Variants in RAB3B observed in about 807,000 individuals in gnomAD.
The protein encoded by RAB3B is RAB3B, member RAS oncogene family, also known as ras-related protein Rab-3B.
In RAB3B, 11 loss-of-function variants were observed where a neutral mutation model predicts 20.5. The observed-to-expected ratio is 0.54, with a 90% CI of 0.34 to 0.89. The LOEUF (loss-of-function observed/expected upper bound fraction) is 0.89, where lower values mean the gene tolerates loss of function less well. Among genes scored for constraint, RAB3B ranks in the 40% least tolerant of loss-of-function variants. RAB3B has a pLI of 0.02. For missense variants in RAB3B, 225 were observed against 280.9 expected (o/e 0.80, Z 1.42); for synonymous variants, 99 against 106.3 (o/e 0.93, Z 0.42).
chr1:51,985,078 G>C (rs915535787), intron 1 of RAB3B, among the ~76,000 whole-genome samples: 1 of 152,168 alleles, frequency 6.6e-6, no homozygotes, highest in Non-Finnish European at 1.5e-5. Context: ...CCTTAAAATA[G>C]AGAAAATACC....
rs999656188 is a variant in RAB3B, at chr1:51,912,416, T to C, written c.*7511A>G. 2 of 150,164 alleles carry C rather than the reference T, an allele frequency of 1.3e-5. No homozygotes were observed. Among genetic ancestry groups the C allele is most frequent in the African/African-American group, 4.9e-5 (2 of 40,810 alleles). The allele number at this position is 150,164 out of a possible 1,614,324, so 9.3% of individuals were successfully genotyped here. A position where few individuals can be genotyped will look rare whatever the true frequency, so the allele number is the denominator to read the frequency against. On this transcript the variant is annotated 3_prime_UTR_variant, in exon 5 of 5. Transcript: ENST00000371655. The stretch of plus-strand genomic sequence containing the variant: ...TTCATTTATTTAGATTTTTAAGAGA[T>C]TGCCATTGAGGCTGGATGCGGTGGC...
intron 4 of RAB3B, among the ~76,000 whole-genome samples, chr1:51,920,528 C>T (rs745544675): frequency 7.9e-5 from 12 of 152,180 alleles, no homozygotes; most frequent in African/African-American, 2.7e-4. Flanking sequence ...AATGCATAAA[C>T]GTGTGTCCAC....
intron 2 of RAB3B, among the ~76,000 whole-genome samples, chr1:51,962,182 G>C (rs1393847486): frequency 2.0e-5 from 3 of 152,180 alleles, no homozygotes; most frequent in Non-Finnish European, 2.9e-5. Flanking sequence ...CTGTAAAATG[G>C]GGATAATAAC....
At chr1:51,935,389 G>T (rs1422494662) in intron 3 of RAB3B, among the ~76,000 whole-genome samples, 2 of 152,200 alleles carry the variant, frequency 1.3e-5, no homozygotes, top group African/African-American at 4.8e-5. Flanking sequence ...GCAGGTAGGG[G>T]TGAGACTGAG....
chr1:51,944,796 A>G (rs1405390709), intron 2 of RAB3B, among the ~76,000 whole-genome samples: 1 of 152,186 alleles, frequency 6.6e-6, no homozygotes, highest in African/African-American at 2.4e-5. Flanking sequence ...GATGGAGTCT[A>G]CTCTGGTGAA....
At chr1:51,942,328 A>G (rs957868606) in intron 2 of RAB3B, among the ~76,000 whole-genome samples, 20 of 152,224 alleles carry the variant, frequency 1.3e-4, no homozygotes, top group African/African-American at 4.6e-4. Flanking sequence ...TTGTCACCCA[A>G]CTGAATCCCA....
At chr1:51,972,925 T>G (rs1410135576) in intron 2 of RAB3B, among the ~76,000 whole-genome samples, 1 of 152,250 alleles carries the variant, frequency 6.6e-6, no homozygotes, top group African/African-American at 2.4e-5. Flanking sequence ...ACTACTATAT[T>G]TGTTTATTAA....
In RAB3B at chr1:51,908,151, CACATG is replaced by C. The variant is rs1221172596; in HGVS notation, c.*11771_*11775del. ...CCTTTATATTTATACAAACTCACAACACATGACATTTCATATTTCATATGCCACTG... is the reference window on the plus strand; with the variant it reads ...CCTTTATATTTATACAAACTCACAACACATTTCATATTTCATATGCCACTG... On this transcript the variant is annotated 3_prime_UTR_variant, in exon 5 of 5. Transcript: ENST00000371655. The C allele has an allele frequency of 6.6e-6, 1 of 152,098 alleles. No individual in the cohort carries two copies. The highest frequency in any genetic ancestry group is 3.2e-3 in the Middle Eastern group (1 of 316). 9.4% of individuals were successfully genotyped at this position (152,098 alleles called of 1,614,324 possible). A position where few individuals can be genotyped will look rare whatever the true frequency, so the allele number is the denominator to read the frequency against.
At chr1:51,948,628 T>C (rs1684594249) in intron 2 of RAB3B, among the ~76,000 whole-genome samples, 1 of 152,186 alleles carries the variant, frequency 6.6e-6, no homozygotes, top group Non-Finnish European at 1.5e-5. Flanking sequence ...CCAGAGAGCC[T>C]TCCTAGTGCC....
chr1:51,938,274 T>C (rs976918715), intron 2 of RAB3B, among the ~76,000 whole-genome samples: 2 of 152,120 alleles, frequency 1.3e-5, no homozygotes, highest in African/African-American at 4.8e-5. Context: ...GGGAATCAAT[T>C]TGGAAGTCTT....
At chr1:51,973,548 G>A (rs1395565063) in intron 2 of RAB3B, 1 of 152,136 alleles carries the variant, frequency 6.6e-6, no homozygotes, top group East Asian at 1.9e-4. Flanking sequence ...ACCTCGAAAC[G>A]TGGCTGACAA....
chr1:51,962,299 T>C (rs1337655943), intron 2 of RAB3B, among the ~76,000 whole-genome samples: 1 of 152,220 alleles, frequency 6.6e-6, no homozygotes, highest in East Asian at 1.9e-4. Context: ...ATCAGCTTTG[T>C]GGGAGATAGT....
intron 4 of RAB3B, among the ~76,000 whole-genome samples, chr1:51,929,749 A>C (rs1684297498): frequency 6.6e-6 from 1 of 152,140 alleles, no homozygotes; most frequent in African/African-American, 2.4e-5. Flanking sequence ...CATACAATTC[A>C]CCCATTTATT....
chr1:51,912,406 T>A lies in RAB3B; in HGVS notation c.*7521A>T, dbSNP rs1030063938. On this transcript the variant is annotated 3_prime_UTR_variant, in exon 5 of 5. Coordinates refer to ENST00000371655, the MANE Select transcript of RAB3B (RefSeq NM_002867.4). ...TACTGAGCCGTTCATTTATTTAGATTTTTAAGAGATTGCCATTGAGGCTGG... is the reference window on the plus strand; with the variant it reads ...TACTGAGCCGTTCATTTATTTAGATATTTAAGAGATTGCCATTGAGGCTGG... 1.7e-4 allele frequency: 25 copies of A among 150,606 alleles called. No individual in the cohort carries two copies. Among genetic ancestry groups the A allele is most frequent in the Non-Finnish European group, 3.0e-4 (20 of 67,736 alleles). The allele number at this position is 150,606 out of a possible 1,614,324, so 9.3% of individuals were successfully genotyped here.
Position 51,911,490 on chromosome 1 carries a change from T to C in RAB3B, c.*8437A>G, listed in dbSNP as rs1489421309. On this transcript the variant is annotated 3_prime_UTR_variant, in exon 5 of 5. Coordinates refer to ENST00000371655, the MANE Select transcript of RAB3B (RefSeq NM_002867.4). ...AACAAAAGAAGAGACAATATATTTT[T>C]GGTTGCAAGGGATAAGAACCTAACT... The C allele has an allele frequency of 6.6e-6, 1 of 152,188 alleles. No homozygotes were observed. Among genetic ancestry groups the C allele is most frequent in the East Asian group, 1.9e-4 (1 of 5,202 alleles). The allele number at this position is 152,188 out of a possible 1,614,324, so 9.4% of individuals were successfully genotyped here. A position where few individuals can be genotyped will look rare whatever the true frequency, so the allele number is the denominator to read the frequency against.
At chr1:51,947,588 G>T (rs1463634168) in intron 2 of RAB3B, among the ~76,000 whole-genome samples, 1 of 152,030 alleles carries the variant, frequency 6.6e-6, no homozygotes, top group Non-Finnish European at 1.5e-5. Context: ...CAGAGCATAA[G>T]ATTGGAAATC....
intron 3 of RAB3B, among the ~76,000 whole-genome samples, chr1:51,935,646 G>T (rs1684388569): frequency 6.6e-6 from 1 of 152,118 alleles, no homozygotes; most frequent in African/African-American, 2.4e-5. Flanking sequence ...AATGAACAGA[G>T]ACTGAGGGAG....
chr1:51,984,728 A>T (rs1685131407), intron 1 of RAB3B, among the ~76,000 whole-genome samples: 1 of 152,156 alleles, frequency 6.6e-6, no homozygotes, highest in Admixed American at 6.6e-5. Flanking sequence ...ACATTTTCCT[A>T]ATTACTTCCT....
Position 51,908,768 on chromosome 1 carries a change from AC to A in RAB3B, c.*11158del, listed in dbSNP as rs1683956817. 6.6e-6 allele frequency: 1 copy of A among 152,018 alleles called. No homozygotes were observed. Among genetic ancestry groups the A allele is most frequent in the Admixed American group, 6.6e-5 (1 of 15,230 alleles). 9.4% of individuals were successfully genotyped at this position (152,018 alleles called of 1,614,324 possible). ...CAGACCCTCCCCTGTTCTGAGACTAACCCTGCCATTTACTGCCTTCTCTATG... is the reference window on the plus strand; with the variant it reads ...CAGACCCTCCCCTGTTCTGAGACTAACCTGCCATTTACTGCCTTCTCTATG... On this transcript the variant is annotated 3_prime_UTR_variant, in exon 5 of 5. Transcript: ENST00000371655.
Sources: allele counts gnomAD v4.1 joint callset (sites outside exome capture counted in the v4.1 genomes callset), GRCh38; gene constraint gnomAD v4.1.1; transcripts MANE v1.5; gene names NCBI Gene and HGNC (gene_info 2026-07-23, HGNC 2026-07-21).